Variants in HKDC1 observed in about 807,000 individuals in gnomAD.
The protein encoded by HKDC1 is hexokinase domain containing 1.
In HKDC1, 66 loss-of-function variants were observed where a neutral mutation model predicts 96.6. The ratio of observed to expected loss-of-function variants is 0.68; its 90% CI spans 0.56 to 0.84. The LOEUF (loss-of-function observed/expected upper bound fraction) is 0.84, where lower values mean the gene tolerates loss of function less well. Among genes scored for constraint, HKDC1 ranks in the 40% least tolerant of loss-of-function variants. The pLI is 0.00. For synonymous variants in HKDC1, 466 were observed against 473.1 expected (o/e 0.98, Z 0.20); for missense variants, 1,211 against 1,208.1 (o/e 1.00, Z -0.04).
intron 12 of HKDC1, among the ~76,000 whole-genome samples, chr10:69,251,771 T>G (rs1051228136): frequency 6.6e-6 from 1 of 151,774 alleles, no homozygotes; most frequent in Admixed American, 6.6e-5. Flanking sequence ...TTCTTTTTTT[T>G]TTTTTTGAGA....
At chr10:69,251,182 C>T (rs912857902) in intron 12 of HKDC1, among the ~76,000 whole-genome samples, 1 of 148,046 alleles carries the variant, frequency 6.8e-6, no homozygotes, top group Admixed American at 6.9e-5. Context: ...GCAACCTCTG[C>T]CTCCTGGGTT....
chr10:69,248,855 A>G, intron 10 of HKDC1, 127 bp downstream of exon 10: 1 of 826,468 alleles, frequency 1.2e-6, no homozygotes. Context: ...AAGAGTAAGA[A>G]GAAGGCTAGT....
chr10:69,265,694 C>T lies in HKDC1; in HGVS notation c.2482C>T (p.Arg828Trp), dbSNP rs748372161. 27 of 1,613,316 alleles carry T rather than the reference C, an allele frequency of 1.7e-5. No individual in the cohort carries two copies. The highest frequency in any genetic ancestry group is 3.3e-5 in the Admixed American group (2 of 59,862). ...VKEVCGAVSR[R>W]AAQLCGAGLA... ...GGAGGTGTGCGGAGCCGTGTCCCGG[C>T]GGGCGGCCCAGCTCTGCGGTGCTGG... The change falls in exon 17 of 18, where the codon CGG (arginine) becomes TGG (tryptophan). Residue 828 changes from arginine (R) to tryptophan (W), a missense_variant. Arg to Trp is a moderately radical substitution (Grantham distance 101). Coordinates refer to ENST00000354624, the MANE Select transcript of HKDC1 (RefSeq NM_025130.4).
At chr10:69,230,208 C>T (rs1350515578) in intron 2 of HKDC1, among the ~76,000 whole-genome samples, 1 of 152,186 alleles carries the variant, frequency 6.6e-6, no homozygotes, top group Non-Finnish European at 1.5e-5. Context: ...GGAGCCTTCT[C>T]TGCCAGTCAT....
At chr10:69,232,489 T>A in intron 2 of HKDC1, 1 of 457,816 alleles carries the variant, frequency 2.2e-6, no homozygotes, top group South Asian at 2.5e-5. Flanking sequence ...GTGCTCACAT[T>A]TGCCCTCTCC....
At chr10:69,259,433 G>A (rs1843773241) in intron 15 of HKDC1, among the ~76,000 whole-genome samples, 2 of 152,202 alleles carry the variant, frequency 1.3e-5, no homozygotes, top group African/African-American at 2.4e-5. Context: ...CTTGTGAGGT[G>A]TATTCCAATG....
In HKDC1 at chr10:69,255,275, C is replaced by G. The variant is rs1843700997; in HGVS notation, c.1837-1761C>G. Among the ~76,000 whole-genome samples the G allele has an allele frequency of 1.3e-5, 2 of 152,236 alleles. 1 individual carries two copies. The highest frequency in any genetic ancestry group is 4.1e-4 in the South Asian group (2 of 4,828). ...TAGATTAGTTTTGTGTAATTGCAATCAGTAAGAGAGGTTTCCCAGTTGGGA... is the reference window on the plus strand; with the variant it reads ...TAGATTAGTTTTGTGTAATTGCAATGAGTAAGAGAGGTTTCCCAGTTGGGA... On this transcript the variant is annotated intron_variant, in intron 12 of 17. Coordinates refer to ENST00000354624, the MANE Select transcript of HKDC1 (RefSeq NM_025130.4).
chr10:69,224,789 G>A (rs1246686667), intron 1 of HKDC1, among the ~76,000 whole-genome samples: 1 of 152,160 alleles, frequency 6.6e-6, no homozygotes, highest in Non-Finnish European at 1.5e-5. Context: ...CTCTTTCTAA[G>A]TGAAACGGGC....
In HKDC1 at chr10:69,257,329, G is replaced by A. The variant is rs761340713; in HGVS notation, c.1935G>A (p.Glu645=). 6.2e-7 allele frequency: 1 copy of A among 1,613,176 alleles called. No individual in the cohort carries two copies. The highest frequency in any genetic ancestry group is 2.2e-5 in the East Asian group (1 of 44,880). ...TTTGTTTTTGTTTTTGTTTTTAGGAGTTTGACCTGGACATTGTTGCAGTCG... is the reference window on the plus strand; with the variant it reads ...TTTGTTTTTGTTTTTGTTTTTAGGAATTTGACCTGGACATTGTTGCAGTCG... ...MLREAIKRRN[E]FDLDIVAVVN... is the part of the protein sequence containing the mutation. Residue 645 remains glutamate, a splice_region_variant and synonymous_variant, in exon 14 of 18, where the codon GAG becomes GAA. Transcript: ENST00000354624.
intron 2 of HKDC1, among the ~76,000 whole-genome samples, chr10:69,231,222 A>G (rs1210566520): frequency 6.6e-6 from 1 of 152,116 alleles, no homozygotes. Context: ...CCCTCAGTCT[A>G]TTCTGGTTGG....
At chr10:69,243,147 C>G in intron 6 of HKDC1, 35 bp from the exon 7 acceptor site, 2 of 1,609,114 alleles carry the variant, frequency 1.2e-6, no homozygotes, top group East Asian at 2.2e-5. Context: ...GCTGGGAGTC[C>G]TCTCTCTGCA....
chr10:69,232,718 T>C (rs1434199356), intron 2 of HKDC1, 46 bp from the exon 3 acceptor site: 2 of 1,571,114 alleles, frequency 1.3e-6, no homozygotes, highest in African/African-American at 2.7e-5. Flanking sequence ...TTGCCATATC[T>C]GTAGTAGACC....
At chr10:69,220,648 G>A (rs965638442) in intron 1 of HKDC1, 150 bp downstream of exon 1, 3 of 542,482 alleles carry the variant, frequency 5.5e-6, no homozygotes, top group African/African-American at 2.0e-5. Flanking sequence ...ACTGAGGGAA[G>A]AGGGAGTAAT....
chr10:69,246,977 A>G (rs1843551007), intron 8 of HKDC1, among the ~76,000 whole-genome samples: 2 of 152,260 alleles, frequency 1.3e-5, no homozygotes, highest in Admixed American at 1.3e-4. Flanking sequence ...AGGGTGATTA[A>G]AAGTGTGGGT....
intron 8 of HKDC1, 22 bp downstream of exon 8, chr10:69,246,256 G>A: frequency 6.2e-7 from 1 of 1,610,938 alleles, no homozygotes. Flanking sequence ...CCTCTGCCTT[G>A]GCTCTGTGGA....
Position 69,227,282 on chromosome 10 carries a change from A to G in HKDC1, c.139A>G (p.Met47Val). 2 of 1,614,110 alleles carry G rather than the reference A, an allele frequency of 1.2e-6. No individual in the cohort carries two copies. The highest frequency in any genetic ancestry group is 1.7e-6 in the Non-Finnish European group (2 of 1,180,006). Residue 47 changes from methionine (M) to valine (V), a missense_variant, in exon 2 of 18, where the codon ATG becomes GTG. By Grantham distance (21) the Met-to-Val change is conservative. Coordinates refer to ENST00000354624, the MANE Select transcript of HKDC1 (RefSeq NM_025130.4). Reference protein sequence around the residue: ...LDIMRRFRAEMEKGLAKDTNP... With the variant: ...LDIMRRFRAEVEKGLAKDTNP... ...CATCATGAGGCGGTTCCGGGCTGAG[A>G]TGGAGAAGGGCCTGGCAAAGGACAC...
intron 10 of HKDC1, chr10:69,248,971 G>A: frequency 2.0e-6 from 1 of 492,946 alleles, no homozygotes; most frequent in Non-Finnish European, 3.6e-6. Flanking sequence ...TTATGTGTGT[G>A]CACTTATGTG....
At position 69,236,174 on chromosome 10, in the gene HKDC1, T is replaced by A. The variant is rs550493146; in HGVS notation, c.496-2868T>A. Among the ~76,000 whole-genome samples, 5 of 150,674 alleles carry A rather than the reference T, an allele frequency of 3.3e-5. No homozygotes were observed. The East Asian group carries it at 9.9e-4, about 30-fold the overall frequency. On this transcript the variant is annotated intron_variant, in intron 4 of 17. Transcript: ENST00000354624. Reference sequence around the variant, plus strand: ...CCCAGGCTGGAGTGCAGTGGTGTGATCTCGGCTCACCACAATCTCCGTCTC... The same window carrying A: ...CCCAGGCTGGAGTGCAGTGGTGTGAACTCGGCTCACCACAATCTCCGTCTC...
At chr10:69,251,087 CTTTTTTTTT>C (rs869084452) in intron 12 of HKDC1, among the ~76,000 whole-genome samples, 2 of 92,688 alleles carry the variant, frequency 2.2e-5, no homozygotes, top group South Asian at 4.0e-4. Flanking sequence ...AAATACATTT[CTTTTTTTTT>C]TTTTTTTTTT....
Sources: allele counts gnomAD v4.1 joint callset (sites outside exome capture counted in the v4.1 genomes callset), GRCh38; gene constraint gnomAD v4.1.1; transcripts MANE v1.5; gene names NCBI Gene and HGNC (gene_info 2026-07-23, HGNC 2026-07-21).